The following SSH2 variants were observed in gnomAD, a reference collection of about 807,000 sequenced individuals.
SSH2 encodes slingshot protein phosphatase 2.
In SSH2, 37 loss-of-function variants were observed where a neutral mutation model predicts 135.2. The observed-to-expected ratio is 0.27, with a 90% CI of 0.21 to 0.36. The LOEUF is 0.36. Ranked by LOEUF, SSH2 falls within the 10% of genes least tolerant of loss-of-function variation. The pLI is 1.00. For synonymous variants in SSH2, 628 were observed against 646.2 expected (o/e 0.97, Z 0.43); for missense variants, 1,408 against 1,765.3 (o/e 0.80, Z 3.63).
At chr17:29,923,728 C>T (rs990301809) in intron 1 of SSH2, among the ~76,000 whole-genome samples, 2 of 151,872 alleles carry the variant, frequency 1.3e-5, no homozygotes, top group Non-Finnish European at 2.9e-5. Context: ...GAGCCGGGTG[C>T]GGTGGCTCAC....
chr17:29,691,168 T>C (rs2038457599), intron 5 of SSH2, among the ~76,000 whole-genome samples: 2 of 152,148 alleles, frequency 1.3e-5, no homozygotes, highest in African/African-American at 4.8e-5. Context: ...AAGCAACATA[T>C]GATGAAAACC....
intron 1 of SSH2, among the ~76,000 whole-genome samples, chr17:29,915,137 G>A (rs749355992): frequency 1.3e-4 from 20 of 151,984 alleles, no homozygotes; most frequent in Admixed American, 5.9e-4. Flanking sequence ...AGTACTCAAA[G>A]AAGAAATAGG....
At chr17:29,702,793 C>T (rs116309011) in intron 4 of SSH2, among the ~76,000 whole-genome samples, 166 bp downstream of exon 4, 160 of 152,174 alleles carry the variant, frequency 1.1e-3, no homozygotes, top group African/African-American at 3.2e-3. Context: ...TTTTGCGAAG[C>T]GCTAAAAAAA....
rs1246919169 is a variant in SSH2 at position 29,718,638 on chromosome 17, CAGA to C, written c.189-15579_189-15577del. Among the ~76,000 whole-genome samples the C allele has an allele frequency of 3.6e-5, 5 of 139,108 alleles. No homozygotes were observed. The Admixed American group carries it at 4.3e-4, about 12-fold the overall frequency. 91.3% of individuals were successfully genotyped at this position (139,108 alleles called of 152,430 possible). A position where few individuals can be genotyped will look rare whatever the true frequency, so the allele number is the denominator to read the frequency against. ...GTCCCAGCTACTCTGGAGGCTGAGG[CAGA>C]AGAATGGCATGAACCCGGGAGGCGG... On this transcript the variant is annotated intron_variant, in intron 3 of 15. Transcript: ENST00000540801.
intron 5 of SSH2, among the ~76,000 whole-genome samples, chr17:29,694,117 C>T (rs368856931): frequency 5.3e-5 from 8 of 151,958 alleles, no homozygotes; most frequent in Admixed American, 3.9e-4. Context: ...CATCAGCTAT[C>T]GTTAGTGTAT....
intron 3 of SSH2, among the ~76,000 whole-genome samples, chr17:29,778,572 G>A (rs185305394): frequency 3.8e-4 from 58 of 152,008 alleles, no homozygotes; most frequent in Admixed American, 2.9e-3. Flanking sequence ...TCCAGGAGGC[G>A]GAGGTTGCAG....
intron 2 of SSH2, among the ~76,000 whole-genome samples, chr17:29,816,649 A>T (rs1484663778): frequency 2.0e-5 from 3 of 152,038 alleles, no homozygotes; most frequent in African/African-American, 7.2e-5. Flanking sequence ...ATGTCACTTA[A>T]CTTTATTGGG....
chr17:29,892,899 G>A (rs1353691345), intron 1 of SSH2, among the ~76,000 whole-genome samples: 1 of 151,788 alleles, frequency 6.6e-6, no homozygotes, highest in Non-Finnish European at 1.5e-5. Flanking sequence ...AATATTCTCA[G>A]ATCTCTTCCA....
At chr17:29,666,416 C>G (rs964126521) in intron 11 of SSH2, among the ~76,000 whole-genome samples, 2 of 151,940 alleles carry the variant, frequency 1.3e-5, no homozygotes, top group African/African-American at 4.8e-5. Flanking sequence ...GGCATGGTGG[C>G]TCATGCTTAT....
At chr17:29,725,734 A>G (rs1307001378) in intron 3 of SSH2, among the ~76,000 whole-genome samples, 1 of 152,144 alleles carries the variant, frequency 6.6e-6, no homozygotes, top group East Asian at 1.9e-4. Flanking sequence ...AACATCACAC[A>G]CTGGGGCCTG....
intron 1 of SSH2, chr17:29,928,383 A>G (rs1274697707): frequency 2.5e-6 from 1 of 396,034 alleles, no homozygotes; most frequent in East Asian, 3.6e-5. Context: ...ACAAAATCTT[A>G]GATTAGAAAT....
chr17:29,784,065 CAAAAAAAA>C (rs71138857), intron 3 of SSH2, among the ~76,000 whole-genome samples: 33 of 8,230 alleles, frequency 4.0e-3, no homozygotes, highest in Middle Eastern at 0.062. Flanking sequence ...GACTCCGTCT[CAAAAAAAA>C]AAAAAAAAAA....
chr17:29,776,805 C>T (rs1232796357), intron 3 of SSH2: 1 of 152,224 alleles, frequency 6.6e-6, no homozygotes, highest in African/African-American at 2.4e-5. Context: ...CTGACTATGC[C>T]TTTTAAAATG....
At chr17:29,810,914 CATT>C (rs2042429243) in intron 2 of SSH2, among the ~76,000 whole-genome samples, 1 of 152,154 alleles carries the variant, frequency 6.6e-6, no homozygotes, top group Admixed American at 6.6e-5. Context: ...TTTCTTAAAA[CATT>C]ATGATTTTTT....
chr17:29,913,362 A>AAAAAAAAAT (rs2066819232), intron 1 of SSH2, among the ~76,000 whole-genome samples: 1 of 91,408 alleles, frequency 1.1e-5, no homozygotes, highest in Non-Finnish European at 2.2e-5. Context: ...ATATATATAT[A>AAAAAAAAAT]TATATATATA....
Position 29,645,111 on chromosome 17 carries a change from G to A in SSH2, c.1427+3033C>T, listed in dbSNP as rs116214197. 728 of 152,310 alleles carry A rather than the reference G, an allele frequency of 4.8e-3. 11 individuals carry two copies. Among genetic ancestry groups the A allele is most frequent in the African/African-American group, 0.017 (693 of 41,550 alleles). The allele number at this position is 152,310 out of a possible 1,614,324, so 9.4% of individuals were successfully genotyped here. On this transcript the variant is annotated intron_variant, in intron 14 of 15. Coordinates refer to ENST00000540801, the MANE Select transcript of SSH2 (RefSeq NM_001282129.2). Reference sequence around the variant, plus strand: ...CTTCTGGGTAGCCTTGGAGGAAGATGAGAATCATATCTGAATAACTCTCAA... The same window carrying A: ...CTTCTGGGTAGCCTTGGAGGAAGATAAGAATCATATCTGAATAACTCTCAA...
chr17:29,821,355 G>T (rs1208779096), intron 2 of SSH2, among the ~76,000 whole-genome samples: 3 of 151,744 alleles, frequency 2.0e-5, no homozygotes, highest in African/African-American at 7.3e-5. Context: ...GAACTCCTGG[G>T]CTCCTCCTGC....
At position 29,630,304 on chromosome 17, in the gene SSH2, G is replaced by A. The variant is rs2035614249; in HGVS notation, c.*537C>T. On this transcript the variant is annotated 3_prime_UTR_variant, in exon 16 of 16. Coordinates refer to ENST00000540801, the MANE Select transcript of SSH2 (RefSeq NM_001282129.2). ...GGAAGACCCTCTTTTAAAGCAAAGC[G>A]GAACCTGCCTCCTTCAGGAACTCTA... The A allele has an allele frequency of 6.6e-6, 1 of 152,240 alleles. No homozygotes were observed. Among genetic ancestry groups the A allele is most frequent in the African/African-American group, 2.4e-5 (1 of 41,424 alleles). The allele number at this position is 152,240 out of a possible 1,614,324, so 9.4% of individuals were successfully genotyped here. A position where few individuals can be genotyped will look rare whatever the true frequency, so the allele number is the denominator to read the frequency against.
intron 2 of SSH2, among the ~76,000 whole-genome samples, chr17:29,805,116 G>A (rs891362181): frequency 2.0e-5 from 3 of 150,836 alleles, no homozygotes; most frequent in African/African-American, 7.3e-5. Flanking sequence ...GTAACAAAAA[G>A]CTCCAGGCCT....
Sources: allele counts gnomAD v4.1 joint callset (sites outside exome capture counted in the v4.1 genomes callset), GRCh38; gene constraint gnomAD v4.1.1; transcripts MANE v1.5; gene names NCBI Gene and HGNC (gene_info 2026-07-23, HGNC 2026-07-21).